Variants in KDM6A observed in about 807,000 individuals in gnomAD.
KDM6A encodes the protein lysine-specific demethylase 6A.
In KDM6A, 11 loss-of-function variants were observed where a neutral mutation model predicts 117.6. The observed-to-expected ratio is 0.09, with a 90% CI of 0.06 to 0.15. The LOEUF (loss-of-function observed/expected upper bound fraction) is 0.15. Among genes scored for constraint, KDM6A ranks in the 10% least tolerant of loss-of-function variants. KDM6A has a pLI of 1.00. For missense variants in KDM6A, 799 were observed against 1,077.3 expected (o/e 0.74, Z 3.62); for synonymous variants, 384 against 396.1 (o/e 0.97, Z 0.36).
intron 2 of KDM6A, among the ~76,000 whole-genome samples, chrX:44,879,453 T>A (rs2032033531): frequency 8.9e-6 from 1 of 112,577 alleles, no homozygotes; most frequent in South Asian, 3.6e-4. Flanking sequence ...GTTTATTTAA[T>A]GAATGCATAA....
chrX:45,050,412 T>G (rs1204571410), intron 8 of KDM6A, among the ~76,000 whole-genome samples: 5 of 111,207 alleles, frequency 4.5e-5, no homozygotes, highest in Non-Finnish European at 9.5e-5. Context: ...ATGTTAGCGG[T>G]GTGTGTGTGT....
chrX:44,987,522 T>G (rs2040301225), intron 4 of KDM6A, among the ~76,000 whole-genome samples: 1 of 111,867 alleles, frequency 8.9e-6, no homozygotes, highest in Non-Finnish European at 1.9e-5. Context: ...TTACAATTTG[T>G]CATGTTTTTG....
chrX:44,914,783 T>C (rs2035450924), intron 2 of KDM6A, among the ~76,000 whole-genome samples: 1 of 110,544 alleles, frequency 9.0e-6, no homozygotes, highest in African/African-American at 3.3e-5. Context: ...GTATACTTTC[T>C]TGAGTGGTTG....
chrX:44,897,269 G>GTT lies in KDM6A; in HGVS notation c.225+23297_225+23298dup, dbSNP rs1207197202. On this transcript the variant is annotated intron_variant, in intron 2 of 29. Coordinates refer to ENST00000611820, the MANE Select transcript of KDM6A (RefSeq NM_001291415.2). ...CTCATTCAAAGAGTTTTTATTTTAGGTTTTTTTTTTTTTTTTGGTTTTATA... is the reference window on the plus strand; with the variant it reads ...CTCATTCAAAGAGTTTTTATTTTAGGTTTTTTTTTTTTTTTTTTGGTTTTATA... Among the ~76,000 whole-genome samples the GTT allele has an allele frequency of 6.6e-3, 453 of 68,714 alleles. 4 individuals carry two copies. The highest frequency in any genetic ancestry group is 0.019 in the African/African-American group (347 of 18,397). 59.7% of individuals were successfully genotyped at this position (68,714 alleles called of 115,157 possible). A position where few individuals can be genotyped will look rare whatever the true frequency, so the allele number is the denominator to read the frequency against.
intron 27 of KDM6A, among the ~76,000 whole-genome samples, chrX:45,094,626 C>T (rs56990935): frequency 0.016 from 1,738 of 111,624 alleles, 38 homozygotes; most frequent in African/African-American, 0.054. Context: ...AGTCTTCAAC[C>T]GCTAAAGTCA....
intron 4 of KDM6A, among the ~76,000 whole-genome samples, chrX:44,980,420 G>T (rs750073572): frequency 2.7e-5 from 3 of 110,930 alleles, no homozygotes; most frequent in Non-Finnish European, 5.7e-5. Flanking sequence ...GGAACTACAT[G>T]TGCTAAGTTA....
At chrX:45,065,035 T>A (rs2044468368) in intron 17 of KDM6A, among the ~76,000 whole-genome samples, 1 of 111,894 alleles carries the variant, frequency 8.9e-6, no homozygotes, top group Admixed American at 9.5e-5. Context: ...TGATTAGTGC[T>A]ATGGAAAAAA....
At position 44,885,928 on chromosome X, in the gene KDM6A, A is replaced by G. The variant is rs147449101; in HGVS notation, c.225+11941A>G. ...TTAGTTCTTTTTTTCAGAGGCAGCC[A>G]CTGATAAAAGTTTATTGGGTAGCTT... On this transcript the variant is annotated intron_variant, in intron 2 of 29. Transcript: ENST00000611820. Among the ~76,000 whole-genome samples, 244 of 111,317 alleles carry G rather than the reference A, an allele frequency of 2.2e-3. 1 individual carries two copies. Among genetic ancestry groups the G allele is most frequent in the African/African-American group, 7.4e-3 (227 of 30,645 alleles).
intron 5 of KDM6A, 129 bp downstream of exon 5, chrX:45,011,148 T>C (rs1393713385): frequency 2.1e-6 from 1 of 485,090 alleles, no homozygotes; most frequent in African/African-American, 2.4e-5. Flanking sequence ...ACCTACACTT[T>C]TCAGTAATCT....
chrX:45,036,698 G>C (rs1489806182), intron 7 of KDM6A, among the ~76,000 whole-genome samples: 1 of 112,209 alleles, frequency 8.9e-6, no homozygotes. Context: ...ATTAGTTTAC[G>C]AGAATAAGAA....
chrX:44,873,218 T>G lies in KDM6A; in HGVS notation c.-334T>G. 2 of 265,897 alleles carry G rather than the reference T, an allele frequency of 7.5e-6. No homozygotes were observed. Among genetic ancestry groups the G allele is most frequent in the Non-Finnish European group, 1.3e-5 (2 of 152,619 alleles). The allele number at this position is 265,897 out of a possible 1,213,427, so 21.9% of individuals were successfully genotyped here. ...AACTTTGTGCTGGTGCCGGGGAAGT[T>G]TGTGTCTCCAACGAATCCCCTCAGT... is the stretch of plus-strand genomic sequence containing the variant. On this transcript the variant is annotated 5_prime_UTR_variant, in exon 1 of 30. Transcript: ENST00000611820.
chrX:45,026,882 C>G (rs1423276960), intron 6 of KDM6A, among the ~76,000 whole-genome samples: 1 of 108,071 alleles, frequency 9.3e-6, no homozygotes, highest in Non-Finnish European at 1.9e-5. Context: ...TTAGAAATAA[C>G]TTGCTGAGTT....
chrX:45,089,973 A>G, intron 26 of KDM6A, 43 bp downstream of exon 26: 1 of 1,049,792 alleles, frequency 9.5e-7, no homozygotes, highest in Non-Finnish European at 1.3e-6. Context: ...TTTATAAAGG[A>G]TTATATCCAA....
At chrX:44,989,110 C>T (rs1324546812) in intron 4 of KDM6A, among the ~76,000 whole-genome samples, 2 of 105,844 alleles carry the variant, frequency 1.9e-5, no homozygotes, top group African/African-American at 3.5e-5. Context: ...GCAATGGGGG[C>T]GCCCCTCCCC....
intron 4 of KDM6A, among the ~76,000 whole-genome samples, chrX:44,981,280 A>G (rs778901537): frequency 1.7e-4 from 19 of 112,104 alleles, no homozygotes; most frequent in Admixed American, 4.7e-4. Context: ...ATGACTGGCT[A>G]TATAAATCGG....
chrX:45,038,745 T>G (rs994451831), intron 8 of KDM6A, among the ~76,000 whole-genome samples: 2 of 110,584 alleles, frequency 1.8e-5, no homozygotes, highest in East Asian at 2.8e-4. Context: ...ATTCTGCACA[T>G]GTATCCCAGA....
intron 27 of KDM6A, among the ~76,000 whole-genome samples, chrX:45,098,750 A>C (rs1276924188): frequency 8.9e-6 from 1 of 112,056 alleles, no homozygotes; most frequent in Non-Finnish European, 1.9e-5. Flanking sequence ...ACCATTAGTT[A>C]TTTTTAAGGT....
intron 3 of KDM6A, among the ~76,000 whole-genome samples, chrX:44,967,601 T>TA (rs921500228): frequency 4.5e-4 from 50 of 110,977 alleles, no homozygotes; most frequent in Non-Finnish European, 7.7e-4. Flanking sequence ...TTAGTTCCTT[T>TA]AAAAAAAACA....
chrX:44,950,859 C>G (rs1489135252), intron 2 of KDM6A, among the ~76,000 whole-genome samples: 1 of 105,011 alleles, frequency 9.5e-6, no homozygotes, highest in Non-Finnish European at 2.0e-5. Flanking sequence ...TTTTTTTTTC[C>G]TTTTTGCCTT....
Sources: gnomAD v4.1 joint callset for allele counts (sites outside exome capture counted in the v4.1 genomes callset) on GRCh38, gnomAD v4.1.1 for gene constraint, MANE v1.5 for transcripts, NCBI Gene and HGNC (gene_info 2026-07-23, HGNC 2026-07-21) for gene names.